The following ADAM20 variants were observed in gnomAD, a reference collection of about 807,000 sequenced individuals.
The protein encoded by ADAM20 is ADAM metallopeptidase domain 20, also known as disintegrin and metalloproteinase domain-containing protein 20.
For missense variants in ADAM20, 871 were observed against 883.2 expected, an observed-to-expected ratio of 0.99 and a Z score of 0.18; for synonymous variants, 305 against 310.2, an observed-to-expected ratio of 0.98 and a Z score of 0.18.
chr14:70,529,163 A>T (rs1283109475), intron 1 of ADAM20, among the ~76,000 whole-genome samples: 2 of 152,170 alleles, frequency 1.3e-5, no homozygotes, highest in African/African-American at 4.8e-5. Context: ...ACTGACTTGA[A>T]CCATACTATA....
the ADAM20 span, among the ~76,000 whole-genome samples, chr14:70,569,988 G>A: frequency 6.9e-6 from 1 of 144,782 alleles, no homozygotes; most frequent in African/African-American, 2.5e-5. Flanking sequence ...CCCAAGAACC[G>A]CAAATACCCA....
At chr14:70,532,234 A>G (rs1883727735) in intron 1 of ADAM20, among the ~76,000 whole-genome samples, 1 of 152,136 alleles carries the variant, frequency 6.6e-6, no homozygotes, top group Non-Finnish European at 1.5e-5. Context: ...ATGGGGGAAA[A>G]ATAGTCTCTT....
At chr14:70,547,085 T>G in the ADAM20 span, among the ~76,000 whole-genome samples, 3 of 152,150 alleles carry the variant, frequency 2.0e-5, no homozygotes, top group Non-Finnish European at 2.9e-5. Context: ...GCCAATAAAT[T>G]GGAAAATCTA....
At chr14:70,554,529 C>T in the ADAM20 span, among the ~76,000 whole-genome samples, 1 of 152,098 alleles carries the variant, frequency 6.6e-6, no homozygotes, top group Admixed American at 6.6e-5. Flanking sequence ...GTGATAGACA[C>T]ACACACACAC....
chr14:70,565,570 CA>C, the ADAM20 span, among the ~76,000 whole-genome samples: 1 of 152,164 alleles, frequency 6.6e-6, no homozygotes, highest in African/African-American at 2.4e-5. Flanking sequence ...GCAGATTCCT[CA>C]TCAGAAACTA....
the ADAM20 span, among the ~76,000 whole-genome samples, chr14:70,578,094 C>A: frequency 2.0e-5 from 3 of 152,072 alleles, no homozygotes; most frequent in Admixed American, 2.0e-4. Context: ...ACAACTCACA[C>A]AGAATAGGAG....
intron 1 of ADAM20, among the ~76,000 whole-genome samples, chr14:70,530,492 T>C (rs1037617907): frequency 6.6e-6 from 1 of 152,224 alleles, no homozygotes; most frequent in Admixed American, 6.5e-5. Context: ...ATCAACTTTA[T>C]GTACTACACA....
chr14:70,553,470 C>A, the ADAM20 span, among the ~76,000 whole-genome samples: 1 of 120,174 alleles, frequency 8.3e-6, no homozygotes, highest in Non-Finnish European at 1.7e-5. Flanking sequence ...AAAGACACAT[C>A]AAGAAAAAGA....
At chr14:70,536,413 C>T (rs1339726557), upstream of ADAM20, among the ~76,000 whole-genome samples, 1 of 128,928 alleles carries the variant, frequency 7.8e-6, no homozygotes, top group Non-Finnish European at 1.5e-5. Context: ...TTGCGGTGAG[C>T]CTAGATCACA....
chr14:70,535,535 T>G (rs1417290523), upstream of ADAM20, among the ~76,000 whole-genome samples: 1 of 152,208 alleles, frequency 6.6e-6, no homozygotes, highest in African/African-American at 2.4e-5. Context: ...AGAGCTCTCC[T>G]GTCTGAGAAG....
At chr14:70,565,101 G>C in the ADAM20 span, among the ~76,000 whole-genome samples, 2 of 150,622 alleles carry the variant, frequency 1.3e-5, no homozygotes, top group Non-Finnish European at 3.0e-5. Context: ...TAAAATACTA[G>C]AAAATTGGAT....
chr14:70,568,770 A>C, the ADAM20 span, among the ~76,000 whole-genome samples: 1 of 152,180 alleles, frequency 6.6e-6, no homozygotes, highest in Non-Finnish European at 1.5e-5. Flanking sequence ...AAGCAGAAGA[A>C]AGAATTTCAG....
the ADAM20 span, among the ~76,000 whole-genome samples, chr14:70,560,874 G>A: frequency 1.3e-5 from 2 of 152,126 alleles, no homozygotes; most frequent in Non-Finnish European, 2.9e-5. Flanking sequence ...AAATTACCCA[G>A]CCTCAGGAAG....
the ADAM20 span, among the ~76,000 whole-genome samples, chr14:70,561,931 G>C: frequency 6.6e-6 from 1 of 152,278 alleles, no homozygotes; most frequent in Non-Finnish European, 1.5e-5. Context: ...GGGCAATGCA[G>C]AGGGGAAATG....
chr14:70,568,117 G>A, the ADAM20 span, among the ~76,000 whole-genome samples: 1 of 151,454 alleles, frequency 6.6e-6, no homozygotes, highest in African/African-American at 2.5e-5. Flanking sequence ...GCTACCAGAA[G>A]GGCTTAGTGC....
chr14:70,522,878 C>A lies in ADAM20; in HGVS notation c.1880G>T (p.Ser627Ile). The A allele has an allele frequency of 3.7e-6, 6 of 1,614,110 alleles. No homozygotes were observed. Among genetic ancestry groups the A allele is most frequent in the Non-Finnish European group, 5.1e-6 (6 of 1,179,964 alleles). ...EKICIRKKCASMVHLSQACQP... is the reference protein window; with the variant it reads ...EKICIRKKCAIMVHLSQACQP... The stretch of plus-strand genomic sequence containing the variant: ...ACAGGCTTGTGACAGATGAACCATA[C>A]TGGCACACTTCTTACGGATGCAGAT... Residue 627 changes from serine (S) to isoleucine (I), a missense_variant, in exon 2 of 2, where the codon AGT becomes ATT. Coordinates refer to ENST00000256389, the MANE Select transcript of ADAM20 (RefSeq NM_003814.5).
the ADAM20 span, among the ~76,000 whole-genome samples, chr14:70,568,629 T>G: frequency 6.6e-6 from 1 of 151,878 alleles, no homozygotes; most frequent in East Asian, 1.9e-4. Context: ...ACAAAGACAC[T>G]AGAAAAATAA....
the ADAM20 span, among the ~76,000 whole-genome samples, chr14:70,565,890 C>T: frequency 1.3e-5 from 2 of 151,854 alleles, no homozygotes; most frequent in South Asian, 2.1e-4. Flanking sequence ...CTGGATAACC[C>T]CACAGGTACC....
chr14:70,557,947 T>A, the ADAM20 span, among the ~76,000 whole-genome samples: 1 of 152,224 alleles, frequency 6.6e-6, no homozygotes, highest in African/African-American at 2.4e-5. Context: ...CTGAATTTTT[T>A]AAATTAAACA....
Sources: allele counts gnomAD v4.1 joint callset (sites outside exome capture counted in the v4.1 genomes callset), GRCh38; gene constraint gnomAD v4.1.1; transcripts MANE v1.5; gene names NCBI Gene and HGNC (gene_info 2026-07-23, HGNC 2026-07-21).